Variants in TBCK observed in about 807,000 individuals in gnomAD.
TBCK encodes TBC domain-containing protein kinase-like protein.
In TBCK, 99 loss-of-function variants were observed where a neutral mutation model predicts 113.4. That is an observed-to-expected ratio of 0.87 (90% CI 0.74 to 1.03). TBCK has a LOEUF of 1.03. Among genes scored for constraint, TBCK ranks in the 50% least tolerant of loss-of-function variants. The probability of loss-of-function intolerance (pLI) is 0.00; values close to 1 mark genes in which losing one functional copy is unlikely to be tolerated. For missense variants in TBCK, 1,045 were observed against 1,061.3 expected, an observed-to-expected ratio of 0.98 and a Z score of 0.21; for synonymous variants, 369 against 370.8, an observed-to-expected ratio of 1.00 and a Z score of 0.05.
intron 24 of TBCK, among the ~76,000 whole-genome samples, chr4:106,109,102 C>A (rs1315636092): frequency 2.0e-5 from 3 of 151,572 alleles, no homozygotes; most frequent in African/African-American, 4.9e-5. Context: ...ATGAGAATTA[C>A]AAAACACTAC....
chr4:106,100,276 A>ATTTGTT (rs149571651), intron 24 of TBCK, among the ~76,000 whole-genome samples: 30,097 of 152,194 alleles, frequency 0.2, 3,380 homozygotes, highest in South Asian at 0.26. Context: ...AACATCACTT[A>ATTTGTT]CATATTTGGT....
intron 5 of TBCK, among the ~76,000 whole-genome samples, chr4:106,260,139 G>A (rs1313881677): frequency 5.3e-5 from 8 of 151,828 alleles, no homozygotes; most frequent in African/African-American, 1.9e-4. Context: ...CATCCTTCTT[G>A]CCTTAAGTTG....
At chr4:106,061,850 A>C (rs1736095847) in intron 25 of TBCK, among the ~76,000 whole-genome samples, 1 of 151,790 alleles carries the variant, frequency 6.6e-6, no homozygotes, top group African/African-American at 2.4e-5. Flanking sequence ...CCCCAAATGG[A>C]ATGTGAGATA....
chr4:106,266,478 C>A (rs1763005888), intron 3 of TBCK, among the ~76,000 whole-genome samples: 1 of 151,834 alleles, frequency 6.6e-6, no homozygotes, highest in Admixed American at 6.6e-5. Context: ...TCTGAAACTA[C>A]TGAACACATA....
At chr4:106,141,206 T>C (rs1161515621) in intron 23 of TBCK, among the ~76,000 whole-genome samples, 1 of 140,046 alleles carries the variant, frequency 7.1e-6, no homozygotes, top group African/African-American at 2.5e-5. Flanking sequence ...TAGAAAGATA[T>C]AAGATGTATA....
chr4:106,137,255 C>A (rs1746664790), intron 23 of TBCK, among the ~76,000 whole-genome samples: 1 of 140,492 alleles, frequency 7.1e-6, no homozygotes, highest in Non-Finnish European at 1.6e-5. Flanking sequence ...ACAAATATCT[C>A]AATTTTGGCA....
At chr4:106,145,271 T>C (rs1747645997) in intron 23 of TBCK, among the ~76,000 whole-genome samples, 1 of 150,768 alleles carries the variant, frequency 6.6e-6, no homozygotes, top group African/African-American at 2.4e-5. Context: ...TGAGCCAAGA[T>C]CACACCACTG....
intron 10 of TBCK, among the ~76,000 whole-genome samples, chr4:106,246,886 C>T (rs571715335): frequency 3.3e-4 from 50 of 152,118 alleles, no homozygotes; most frequent in African/African-American, 1.2e-3. Flanking sequence ...GATATCTCTA[C>T]GTTGACCAGG....
At position 106,236,787 on chromosome 4, in the gene TBCK, C is replaced by T; in HGVS notation, c.1192G>A (p.Glu398Lys). 1 of 1,520,188 alleles carries T rather than the reference C, an allele frequency of 6.6e-7. No individual in the cohort carries two copies. The allele number at this position is 1,520,188 out of a possible 1,614,324, so 94.2% of individuals were successfully genotyped here. A position where few individuals can be genotyped will look rare whatever the true frequency, so the allele number is the denominator to read the frequency against. The change falls in exon 13 of 26, where the codon GAA (glutamate) becomes AAA (lysine). Residue 398 changes from glutamate (E) to lysine (K), a missense_variant. Glu to Lys is a moderately conservative substitution (Grantham distance 56, BLOSUM62 1). Coordinates refer to ENST00000394708, the MANE Select transcript of TBCK (RefSeq NM_001163435.3). ...TCTTCAAGTAATGGGTAAAATGCTT[C>T]TCCACCAACATCTTTCAATCTCTGT... ...LRNRLKDVGG[E>K]AFYPLLEDDQ...
At chr4:106,180,702 G>A (rs1365626752) in intron 22 of TBCK, among the ~76,000 whole-genome samples, 1 of 152,090 alleles carries the variant, frequency 6.6e-6, no homozygotes, top group East Asian at 1.9e-4. Context: ...TCCCTGCAAA[G>A]GACATGAACT....
chr4:106,216,542 C>T (rs1579277139), intron 19 of TBCK, among the ~76,000 whole-genome samples: 1 of 151,864 alleles, frequency 6.6e-6, no homozygotes, highest in South Asian at 2.1e-4. Flanking sequence ...GATATCACCA[C>T]CGATCCCACA....
chr4:106,171,567 A>G (rs528078540), intron 22 of TBCK, among the ~76,000 whole-genome samples: 2 of 152,064 alleles, frequency 1.3e-5, no homozygotes, highest in Admixed American at 6.5e-5. Context: ...TCAGAGTATC[A>G]TTATTTAAAT....
At chr4:106,206,832 T>C (rs765334390) in intron 20 of TBCK, among the ~76,000 whole-genome samples, 11 of 152,200 alleles carry the variant, frequency 7.2e-5, no homozygotes, top group African/African-American at 1.2e-4. Context: ...TTTCAGATTG[T>C]AGTTAAATGT....
At chr4:106,118,969 A>G (rs920142650) in intron 23 of TBCK, among the ~76,000 whole-genome samples, 4 of 152,246 alleles carry the variant, frequency 2.6e-5, no homozygotes, top group Non-Finnish European at 5.9e-5. Context: ...TCTGCAAATG[A>G]ATTTTAGGAG....
chr4:106,249,075 T>G, intron 7 of TBCK, 93 bp from the exon 8 acceptor site: 1 of 781,590 alleles, frequency 1.3e-6, no homozygotes, highest in Non-Finnish European at 1.9e-6. Context: ...TTTAATGGAG[T>G]AATGCAATTT....
chr4:106,073,269 A>T (rs1329266358), intron 25 of TBCK, among the ~76,000 whole-genome samples: 3 of 152,166 alleles, frequency 2.0e-5, no homozygotes, highest in Non-Finnish European at 4.4e-5. Context: ...ATGGTGACCT[A>T]CAGATGGGGT....
chr4:106,283,632 C>T (rs1764833762), intron 3 of TBCK, among the ~76,000 whole-genome samples: 2 of 151,920 alleles, frequency 1.3e-5, no homozygotes, highest in South Asian at 4.1e-4. Flanking sequence ...AATTTAGGCA[C>T]ATTGGAAATA....
chr4:106,076,044 C>T (rs1398733402), intron 25 of TBCK, among the ~76,000 whole-genome samples: 1 of 152,194 alleles, frequency 6.6e-6, no homozygotes, highest in African/African-American at 2.4e-5. Flanking sequence ...CTGACACAGG[C>T]AAATGAGATT....
chr4:106,222,008 G>C (rs909428554), intron 19 of TBCK, among the ~76,000 whole-genome samples: 3 of 151,932 alleles, frequency 2.0e-5, no homozygotes, highest in Non-Finnish European at 2.9e-5. Flanking sequence ...ATATAATAAG[G>C]ATATGAATCT....
Sources: allele counts gnomAD v4.1 joint callset (sites outside exome capture counted in the v4.1 genomes callset), GRCh38; gene constraint gnomAD v4.1.1; transcripts MANE v1.5; gene names NCBI Gene and HGNC (gene_info 2026-07-23, HGNC 2026-07-21).